CDYL2: variants seen among roughly 807,000 people sequenced by gnomAD.
CDYL2 encodes the protein chromodomain Y like 2.
Under a neutral mutation model 49.4 loss-of-function variants are expected in CDYL2, and 23 were observed. The ratio of observed to expected loss-of-function variants is 0.47; its 90% confidence interval spans 0.34 to 0.66. The LOEUF (loss-of-function observed/expected upper bound fraction) is 0.66. CDYL2 is among the 30% of genes least tolerant of loss of function. CDYL2 has a pLI of 0.01. For synonymous variants in CDYL2, 360 were observed against 268.8 expected, an observed-to-expected ratio of 1.34 and a Z score of -3.32; for missense variants, 678 against 656.4, an observed-to-expected ratio of 1.03 and a Z score of -0.36.
intron 1 of CDYL2, among the ~76,000 whole-genome samples, chr16:80,734,520 A>T (rs575964424): frequency 6.6e-6 from 1 of 152,296 alleles, no homozygotes; most frequent in East Asian, 1.9e-4. Flanking sequence ...CTAGGTGGAA[A>T]GCAACTGGAG....
intron 1 of CDYL2, among the ~76,000 whole-genome samples, chr16:80,687,997 T>C (rs927370980): frequency 2.6e-5 from 4 of 152,210 alleles, no homozygotes; most frequent in African/African-American, 7.2e-5. Flanking sequence ...AGAGAGAGTA[T>C]ACCTACTTAG....
At chr16:80,766,274 T>C (rs1470477671) in intron 1 of CDYL2, among the ~76,000 whole-genome samples, 3 of 152,114 alleles carry the variant, frequency 2.0e-5, no homozygotes, top group South Asian at 4.1e-4. Context: ...TCAATACAAC[T>C]TTTATTGACA....
intron 5 of CDYL2, among the ~76,000 whole-genome samples, chr16:80,611,048 C>T (rs542998926): frequency 1.3e-5 from 2 of 152,266 alleles, no homozygotes; most frequent in South Asian, 2.1e-4. Flanking sequence ...CAACCCAGGG[C>T]CTGCCAGGCC....
intron 1 of CDYL2, among the ~76,000 whole-genome samples, chr16:80,750,951 T>C (rs1304380067): frequency 1.3e-5 from 2 of 151,140 alleles, no homozygotes; most frequent in Non-Finnish European, 2.9e-5. Flanking sequence ...ACCCGGGAGG[T>C]GGAGCTTGCA....
Position 80,612,676 on chromosome 16 carries a change from G to T in CDYL2, c.1168C>A (p.Pro390Thr). 1 of 1,613,128 alleles carries T rather than the reference G, an allele frequency of 6.2e-7. No individual in the cohort carries two copies. The highest frequency in any genetic ancestry group is 8.5e-7 in the Non-Finnish European group (1 of 1,179,920). ...AAGGTGTAGGAGGAGCAGCCAGCAGGCGTGAGGCGGATGGTGGCGTAGGGC... is the reference window on the plus strand; with the variant it reads ...AAGGTGTAGGAGGAGCAGCCAGCAGTCGTGAGGCGGATGGTGGCGTAGGGC... ...QTPYATIRLT[P>T]AGCSSYTFPQ... The change falls in exon 5 of 7, where the codon CCT becomes ACT. Residue 390 changes from proline (P) to threonine (T), a missense_variant. Transcript: ENST00000570137. This position sits in a 1 kb window ranked among gnomAD's most constrained non-coding sequence, Gnocchi z 5.0.
rs375996420 is a variant in CDYL2 at position 80,608,161 on chromosome 16, G to A, written c.1293C>T (p.Val431=). Reference sequence around the variant, plus strand: ...CCTGGCTGAACGTGGTGGGCCAGAAGACCTGCGACACCAGCCCCCTGCTGC... The same window carrying A: ...CCTGGCTGAACGTGGTGGGCCAGAAAACCTGCGACACCAGCCCCCTGCTGC... ...EACSRGLVSQ[V]FWPTTFSQEV... is the part of the protein sequence containing the mutation. Residue 431 remains valine (V), a synonymous_variant, in exon 6 of 7, where the codon GTC becomes GTT. Transcript: ENST00000570137. 4.4e-6 allele frequency: 7 copies of A among 1,605,274 alleles called. No individual in the cohort carries two copies. The African/African-American group carries it at 9.4e-5, about 21-fold the overall frequency.
rs964919823 is a variant in CDYL2, at chr16:80,700,447, G to T, written c.25-15318C>A. Among the ~76,000 whole-genome samples the T allele has an allele frequency of 6.6e-5, 10 of 152,080 alleles. No individual in the cohort carries two copies. The South Asian group carries it at 2.1e-3, about 32-fold the overall frequency. ...ATTTGCAACAAAAGAGTAACATCCA[G>T]AATATGTAAGGAACTTCAAAGTCGA... On this transcript the variant is annotated intron_variant, in intron 1 of 6. Coordinates refer to ENST00000570137, the MANE Select transcript of CDYL2 (RefSeq NM_152342.4).
intron 1 of CDYL2, among the ~76,000 whole-genome samples, chr16:80,766,868 T>C (rs553112825): frequency 8.6e-4 from 131 of 152,338 alleles, no homozygotes; most frequent in African/African-American, 2.9e-3. Flanking sequence ...AACAAAACAC[T>C]GGCTAAGCAC....
At chr16:80,617,528 G>A (rs1203018395) in intron 4 of CDYL2, among the ~76,000 whole-genome samples, 1 of 152,154 alleles carries the variant, frequency 6.6e-6, no homozygotes, top group Non-Finnish European at 1.5e-5. Context: ...AAAACGTTCT[G>A]TGCAGAATGC....
At chr16:80,627,519 A>T (rs1907357682) in intron 3 of CDYL2, 1 of 152,250 alleles carries the variant, frequency 6.6e-6, no homozygotes, top group African/African-American at 2.4e-5. Flanking sequence ...TTTTTAAAAA[A>T]GTTATATCTA....
At chr16:80,758,045 G>A (rs1256634806) in intron 1 of CDYL2, among the ~76,000 whole-genome samples, 2 of 151,906 alleles carry the variant, frequency 1.3e-5, no homozygotes, top group Non-Finnish European at 2.9e-5. Context: ...CAATACAGAG[G>A]TATGGTATCT....
chr16:80,643,565 T>A (rs1052009595), intron 2 of CDYL2, among the ~76,000 whole-genome samples: 3 of 152,264 alleles, frequency 2.0e-5, no homozygotes, highest in Non-Finnish European at 4.4e-5. Flanking sequence ...GCAGCAAACC[T>A]GCGTGGGTAT....
rs1597104265 is a variant in CDYL2, at chr16:80,730,945, G to A, written c.25-45816C>T. Among the ~76,000 whole-genome samples the A allele has an allele frequency of 2.0e-5, 3 of 152,242 alleles. No individual in the cohort carries two copies. In the South Asian group the frequency reaches 6.2e-4, roughly 32 times the overall value. Reference sequence around the variant, plus strand: ...AAAACAGATCAGTATGGTTAATGAGGGTAGGAAGGAGTGGAAAGAGTAGAT... The same window carrying A: ...AAAACAGATCAGTATGGTTAATGAGAGTAGGAAGGAGTGGAAAGAGTAGAT... On this transcript the variant is annotated intron_variant, in intron 1 of 6. Transcript: ENST00000570137.
chr16:80,632,528 C>T (rs1374279173), intron 3 of CDYL2: 1 of 158,128 alleles, frequency 6.3e-6, no homozygotes, highest in African/African-American at 2.4e-5. Context: ...TTAAAAATCA[C>T]TGAATTGTAC....
At chr16:80,754,098 T>G (rs948430502) in intron 1 of CDYL2, among the ~76,000 whole-genome samples, 1 of 152,198 alleles carries the variant, frequency 6.6e-6, no homozygotes, top group African/African-American at 2.4e-5. Context: ...AGTGTAAATT[T>G]TAATCCCTAT....
intron 1 of CDYL2, among the ~76,000 whole-genome samples, chr16:80,759,116 A>T (rs1251575443): frequency 8.3e-6 from 1 of 119,950 alleles, no homozygotes; most frequent in East Asian, 2.5e-4. Context: ...ATATATATAT[A>T]TATATATATA....
chr16:80,652,223 G>C (rs1250358690), intron 2 of CDYL2, among the ~76,000 whole-genome samples: 1 of 152,096 alleles, frequency 6.6e-6, no homozygotes, highest in Admixed American at 6.5e-5. Flanking sequence ...GGCTGACTCT[G>C]TAAGTTTATA....
Position 80,758,777 on chromosome 16 carries a change from C to G in CDYL2, c.24+45373G>C, listed in dbSNP as rs913082436. ...CAGGATGGTTTCAATCTCCTGACCT[C>G]CTGATCCGCCCGCCTCTGCCTCCCA... is the stretch of plus-strand genomic sequence containing the variant. On this transcript the variant is annotated intron_variant, in intron 1 of 6. Transcript: ENST00000570137. 2.0e-5 allele frequency among the ~76,000 whole-genome samples: 3 copies of G among 151,868 alleles called. No individual in the cohort carries two copies. The South Asian group carries it at 6.2e-4, about 32-fold the overall frequency.
intron 1 of CDYL2, among the ~76,000 whole-genome samples, chr16:80,786,765 T>C (rs1011563642): frequency 1.3e-5 from 2 of 152,190 alleles, no homozygotes; most frequent in Non-Finnish European, 2.9e-5. Context: ...TTCATGTCCC[T>C]TGTAGGGACA....
Sources: allele counts gnomAD v4.1 joint callset (sites outside exome capture counted in the v4.1 genomes callset), GRCh38; gene constraint gnomAD v4.1.1; non-coding constraint Gnocchi (gnomAD v3.1); transcripts MANE v1.5; gene names NCBI Gene and HGNC (gene_info 2026-07-23, HGNC 2026-07-21).